The following RAB31 variants were observed in gnomAD, a reference collection of about 807,000 sequenced individuals.
RAB31 encodes the protein ras-related protein Rab-31.
In RAB31, 21 loss-of-function variants were observed where a neutral mutation model predicts 25.6. That is an observed-to-expected ratio of 0.82 (90% CI 0.58 to 1.18). The LOEUF (loss-of-function observed/expected upper bound fraction) is 1.18, where lower values mean the gene tolerates loss of function less well. RAB31 is among the 50% of genes most tolerant of loss of function. RAB31 has a pLI of 0.00. For synonymous variants in RAB31, 87 were observed against 84.0 expected (o/e 1.04, Z -0.20); for missense variants, 196 against 250.1 (o/e 0.78, Z 1.46).
At chr18:9,760,737 C>T (rs889367564) in intron 1 of RAB31, among the ~76,000 whole-genome samples, 1 of 152,132 alleles carries the variant, frequency 6.6e-6, no homozygotes, top group Non-Finnish European at 1.5e-5. Flanking sequence ...TGTCTTGTCA[C>T]AGTTCCCAAG....
chr18:9,799,170 G>A lies in RAB31; in HGVS notation c.201+6935G>A, dbSNP rs113049246. On this transcript the variant is annotated intron_variant, in intron 3 of 6. Transcript: ENST00000578921. ...GGCCTCAAGCAATCCATTTCACTTG[G>A]CTTCCCAAAGTGTTGGGATTATAGG... Among the ~76,000 whole-genome samples the A allele has an allele frequency of 5.5e-3, 830 of 152,278 alleles. 5 individuals carry two copies. The highest frequency in any genetic ancestry group is 8.2e-3 in the Non-Finnish European group (555 of 68,026).
chr18:9,718,409 G>A (rs563476200), intron 1 of RAB31, among the ~76,000 whole-genome samples: 11 of 152,058 alleles, frequency 7.2e-5, no homozygotes, highest in African/African-American at 2.2e-4. Flanking sequence ...ACAGGCATGC[G>A]CCACCATGCC....
rs552021861 is a variant in RAB31 at position 9,729,443 on chromosome 18, C to T, written c.39+20999C>T. Among the ~76,000 whole-genome samples, 109 of 151,292 alleles carry T rather than the reference C, an allele frequency of 7.2e-4. 1 individual carries two copies. Among genetic ancestry groups the T allele is most frequent in the African/African-American group, 2.4e-3 (100 of 41,150 alleles). On this transcript the variant is annotated intron_variant, in intron 1 of 6. Transcript: ENST00000578921. ...TCAGGAGACTGAGGCAGGAGAATGGCGTAAACCAGGGAGGGGGAGCTTGCA... is the reference window on the plus strand; with the variant it reads ...TCAGGAGACTGAGGCAGGAGAATGGTGTAAACCAGGGAGGGGGAGCTTGCA...
rs185427552 is a variant in RAB31, at chr18:9,858,510, A to G, written c.491-718A>G. 1.3e-3 allele frequency among the ~76,000 whole-genome samples: 192 copies of G among 152,294 alleles called. 1 individual carries two copies. Among genetic ancestry groups the G allele is most frequent in the Middle Eastern group, 6.8e-3 (2 of 294 alleles). On this transcript the variant is annotated intron_variant, in intron 6 of 6. Transcript: ENST00000578921. ...TTTAGAAAAATCACCTCATAAAGAA[A>G]CCCATACCCTTTAGCTGTCATCTCC... is the stretch of plus-strand genomic sequence containing the variant.
At chr18:9,774,965 TCCCA>T in intron 1 of RAB31, 1 of 525,512 alleles carries the variant, frequency 1.9e-6, no homozygotes, top group Non-Finnish European at 3.7e-6. Context: ...TCTAGAGCCC[TCCCA>T]AGATTTCAGA....
intron 5 of RAB31, among the ~76,000 whole-genome samples, chr18:9,818,215 T>C (rs2068608525): frequency 6.6e-6 from 1 of 152,216 alleles, no homozygotes; most frequent in African/African-American, 2.4e-5. Flanking sequence ...ATATGTTGTA[T>C]TGAGGTAAAT....
At chr18:9,832,669 C>A (rs1244754915) in intron 5 of RAB31, among the ~76,000 whole-genome samples, 2 of 152,214 alleles carry the variant, frequency 1.3e-5, no homozygotes, top group African/African-American at 4.8e-5. Context: ...ACGTGGAGGA[C>A]AAGGACTTGG....
intron 6 of RAB31, among the ~76,000 whole-genome samples, chr18:9,855,856 C>T (rs1371686156): frequency 6.6e-6 from 1 of 152,152 alleles, no homozygotes; most frequent in Non-Finnish European, 1.5e-5. Context: ...AATCACACAG[C>T]ATTTCTCCCC....
chr18:9,771,332 AG>A (rs1432103115), intron 1 of RAB31, among the ~76,000 whole-genome samples: 1 of 152,128 alleles, frequency 6.6e-6, no homozygotes, highest in Admixed American at 6.6e-5. Context: ...TACCAAAACG[AG>A]GGGACTGGAC....
chr18:9,754,081 G>A (rs1397336190), intron 1 of RAB31, among the ~76,000 whole-genome samples: 1 of 152,150 alleles, frequency 6.6e-6, no homozygotes, highest in African/African-American at 2.4e-5. Context: ...GCGTCATGAA[G>A]AGGAATTGAA....
At chr18:9,853,488 G>A (rs887730843) in intron 6 of RAB31, among the ~76,000 whole-genome samples, 2 of 152,226 alleles carry the variant, frequency 1.3e-5, no homozygotes, top group Non-Finnish European at 2.9e-5. Flanking sequence ...AGACAAAATT[G>A]TGGAGTCAGT....
intron 3 of RAB31, among the ~76,000 whole-genome samples, chr18:9,802,461 G>A (rs1049701958): frequency 6.6e-6 from 1 of 152,182 alleles, no homozygotes; most frequent in African/African-American, 2.4e-5. Flanking sequence ...GATAGCTTGA[G>A]CCCAGGAGTT....
intron 1 of RAB31, among the ~76,000 whole-genome samples, chr18:9,771,683 A>C (rs1454762101): frequency 6.6e-6 from 1 of 152,188 alleles, no homozygotes; most frequent in African/African-American, 2.4e-5. Flanking sequence ...TGGCCAGCCG[A>C]GGAACAGCAG....
intron 1 of RAB31, among the ~76,000 whole-genome samples, chr18:9,770,991 G>A (rs975587255): frequency 3.3e-5 from 5 of 151,446 alleles, no homozygotes; most frequent in Non-Finnish European, 7.4e-5. Flanking sequence ...GCAAGACCTT[G>A]TCTCTGCAAA....
At chr18:9,748,329 TC>T (rs1386210933) in intron 1 of RAB31, among the ~76,000 whole-genome samples, 1 of 151,904 alleles carries the variant, frequency 6.6e-6, no homozygotes, top group South Asian at 2.1e-4. Flanking sequence ...AGACCCTATC[TC>T]TACCCCCTAC....
intron 3 of RAB31, among the ~76,000 whole-genome samples, chr18:9,811,157 G>A (rs2143070316): frequency 6.6e-6 from 1 of 152,316 alleles, no homozygotes; most frequent in South Asian, 2.1e-4. Flanking sequence ...GCAGTGGGTG[G>A]CGCCGGCCCT....
At chr18:9,786,823 T>G (rs1265356881) in intron 2 of RAB31, 2 of 152,274 alleles carry the variant, frequency 1.3e-5, no homozygotes, top group Non-Finnish European at 2.9e-5. Flanking sequence ...AGAAAAGTAA[T>G]ACAGGAGAAA....
chr18:9,829,416 C>A (rs2143104886), intron 5 of RAB31, among the ~76,000 whole-genome samples: 1 of 152,364 alleles, frequency 6.6e-6, no homozygotes, highest in South Asian at 2.1e-4. Context: ...TTGCTGTCTA[C>A]TGTTCCGTTT....
In RAB31 at chr18:9,793,207, G is replaced by A. The variant is rs77472196; in HGVS notation, c.201+972G>A. Reference sequence around the variant, plus strand: ...TCCTGCCTCAGCTTCCTGAGTAGCTGGGACTACAGGCACAAGCCACTGCAC... The same window carrying A: ...TCCTGCCTCAGCTTCCTGAGTAGCTAGGACTACAGGCACAAGCCACTGCAC... On this transcript the variant is annotated intron_variant, in intron 3 of 6. Transcript: ENST00000578921. Among the ~76,000 whole-genome samples, 456 of 152,018 alleles carry A rather than the reference G, an allele frequency of 3.0e-3. 3 individuals are homozygous for A. Among genetic ancestry groups the A allele is most frequent in the African/African-American group, 0.011 (441 of 41,486 alleles).
Sources: allele counts gnomAD v4.1 joint callset (sites outside exome capture counted in the v4.1 genomes callset), GRCh38; gene constraint gnomAD v4.1.1; transcripts MANE v1.5; gene names NCBI Gene and HGNC (gene_info 2026-07-23, HGNC 2026-07-21).